The following MGAT4C variants were observed in gnomAD, a reference collection of about 807,000 sequenced individuals.
MGAT4C encodes alpha-1,3-mannosyl-glycoprotein 4-beta-N-acetylglucosaminyltransferase C.
A neutral mutation model predicts 40.1 loss-of-function variants in MGAT4C; 19 were observed. The ratio of observed to expected loss-of-function variants is 0.47; its 90% CI spans 0.33 to 0.70. The LOEUF (loss-of-function observed/expected upper bound fraction) is 0.70. Ranked by LOEUF, MGAT4C falls within the 30% of genes least tolerant of loss-of-function variation. The pLI is 0.02. For missense variants in MGAT4C, 491 were observed against 563.2 expected (o/e 0.87, Z 1.30); for synonymous variants, 181 against 187.1 (o/e 0.97, Z 0.27).
At chr12:86,727,212 T>G (rs182485842) in exon 2 of MGAT4C, 5 of 152,010 alleles carry the variant, frequency 3.3e-5, no homozygotes, top group African/African-American at 1.2e-4. Context: ...TACTTACCCA[T>G]CCAAGTAGAA....
At chr12:86,551,111 C>T (rs1335212562) in intron 2 of MGAT4C, among the ~76,000 whole-genome samples, 1 of 152,050 alleles carries the variant, frequency 6.6e-6, no homozygotes, top group Non-Finnish European at 1.5e-5. Flanking sequence ...GTGCCTGTAT[C>T]CAGGCTAGAA....
At chr12:86,682,471 T>A (rs1950000479) in intron 2 of MGAT4C, among the ~76,000 whole-genome samples, 1 of 152,064 alleles carries the variant, frequency 6.6e-6, no homozygotes, top group African/African-American at 2.4e-5. Context: ...AGATCTATAT[T>A]TAAATGTAGT....
At chr12:86,235,248 C>A (rs1450608553) in intron 1 of MGAT4C, among the ~76,000 whole-genome samples, 1 of 152,048 alleles carries the variant, frequency 6.6e-6, no homozygotes, top group Non-Finnish European at 1.5e-5. Flanking sequence ...CCCATGCTAT[C>A]ACCTCTGTTT....
Position 85,980,230 on chromosome 12 carries a change from C to T in MGAT4C, c.496G>A (p.Ala166Thr). Residue 166 changes from alanine to threonine, a missense_variant, in exon 5 of 5, where the codon GCA becomes ACA. Physicochemically the swap from Ala to Thr is moderately conservative, Grantham distance 58. Transcript: ENST00000611864. ...ITQKFAHHII[A>T]GRLMVIHAPE... is the part of the protein sequence containing the mutation. ...GCATGTATAACCATTAATCTTCCTG[C>T]AATAATATGGTGCGCAAATTTCTGT... The T allele has an allele frequency of 6.2e-7, 1 of 1,613,858 alleles. No individual in the cohort carries two copies. The highest frequency in any genetic ancestry group is 8.5e-7 in the Non-Finnish European group (1 of 1,179,864).
At chr12:86,509,244 G>A (rs913858997) in intron 2 of MGAT4C, among the ~76,000 whole-genome samples, 45 of 152,258 alleles carry the variant, frequency 3.0e-4, no homozygotes, top group African/African-American at 9.1e-4. Flanking sequence ...TGTATAAGGT[G>A]TGAGGAAGGC....
intron 1 of MGAT4C, among the ~76,000 whole-genome samples, chr12:86,083,740 T>C (rs921390875): frequency 6.6e-6 from 1 of 152,096 alleles, no homozygotes; most frequent in Non-Finnish European, 1.5e-5. Flanking sequence ...CTCAGCTACA[T>C]GGCTGTCTCA....
At chr12:85,981,733 G>T (rs958255427) in intron 4 of MGAT4C, among the ~76,000 whole-genome samples, 5 of 152,108 alleles carry the variant, frequency 3.3e-5, no homozygotes, top group Admixed American at 2.6e-4. Context: ...ACTAAGTCAC[G>T]GTGAGATGAG....
chr12:86,242,428 CTTTAT>C (rs1401829539), intron 1 of MGAT4C, among the ~76,000 whole-genome samples: 1 of 152,058 alleles, frequency 6.6e-6, no homozygotes, highest in Non-Finnish European at 1.5e-5. Flanking sequence ...TCTCAGATTC[CTTTAT>C]TTTGATACTT....
At chr12:86,573,445 T>TA (rs1292503488) in intron 2 of MGAT4C, among the ~76,000 whole-genome samples, 1 of 152,062 alleles carries the variant, frequency 6.6e-6, no homozygotes, top group Non-Finnish European at 1.5e-5. Context: ...TTTTACTGAC[T>TA]AATCTTTTCA....
chr12:85,987,175 C>T (rs1446952841), intron 3 of MGAT4C, among the ~76,000 whole-genome samples: 23 of 118,628 alleles, frequency 1.9e-4, no homozygotes, highest in East Asian at 1.3e-3. Flanking sequence ...CTCGCTCTGT[C>T]GCCCAGGCTG....
At chr12:86,683,731 G>A (rs1037571610) in intron 2 of MGAT4C, among the ~76,000 whole-genome samples, 1 of 151,968 alleles carries the variant, frequency 6.6e-6, no homozygotes, top group Non-Finnish European at 1.5e-5. Context: ...TTCTCCCCAC[G>A]TTTTTTTCTC....
At chr12:86,433,771 C>T (rs1039636989) in intron 3 of MGAT4C, among the ~76,000 whole-genome samples, 1 of 151,948 alleles carries the variant, frequency 6.6e-6, no homozygotes, top group Non-Finnish European at 1.5e-5. Context: ...TTATTTTTTA[C>T]ATCTGAAAAA....
intron 1 of MGAT4C, among the ~76,000 whole-genome samples, chr12:86,110,298 C>CAG (rs1877095626): frequency 6.4e-5 from 1 of 15,708 alleles, no homozygotes; most frequent in Non-Finnish European, 1.0e-4. Context: ...TATATAGTCT[C>CAG]TCTATATATA....
At chr12:86,211,199 T>C (rs1348327890) in intron 1 of MGAT4C, among the ~76,000 whole-genome samples, 1 of 148,578 alleles carries the variant, frequency 6.7e-6, no homozygotes, top group Non-Finnish European at 1.5e-5. Flanking sequence ...TGCAGTCCAA[T>C]ATGCACATAT....
chr12:86,798,638 C>T (rs1319991256), intron 1 of MGAT4C, among the ~76,000 whole-genome samples: 1 of 151,726 alleles, frequency 6.6e-6, no homozygotes, highest in Admixed American at 6.6e-5. Context: ...TGCTCAATAC[C>T]TACAGCCTTC....
intron 2 of MGAT4C, among the ~76,000 whole-genome samples, chr12:86,546,661 T>C (rs1458221892): frequency 6.6e-6 from 1 of 152,086 alleles, no homozygotes; most frequent in South Asian, 2.1e-4. Context: ...GCTGTGAAAG[T>C]GTATTTACTC....
chr12:86,712,001 G>C (rs566970622), intron 2 of MGAT4C, among the ~76,000 whole-genome samples: 1 of 152,148 alleles, frequency 6.6e-6, no homozygotes, highest in Admixed American at 6.6e-5. Flanking sequence ...TTTCAATTTT[G>C]ATATATTGCC....
Position 86,657,237 on chromosome 12 carries a change from T to C in MGAT4C, c.-229+69972A>G, listed in dbSNP as rs112138087. On this transcript the variant is annotated intron_variant, in intron 2 of 7. Transcript: ENST00000548651. ...TAAAAGGAATCTGTAAGAAAAAACA[T>C]ATAAAGCTTTGAGTGAAAACAATGT... 3.2e-3 allele frequency among the ~76,000 whole-genome samples: 481 copies of C among 152,046 alleles called. 1 individual carries two copies. The highest frequency in any genetic ancestry group is 0.011 in the African/African-American group (463 of 41,554).
intron 4 of MGAT4C, among the ~76,000 whole-genome samples, chr12:86,269,202 T>C (rs1952880850): frequency 6.6e-6 from 1 of 150,958 alleles, no homozygotes; most frequent in Non-Finnish European, 1.5e-5. Context: ...TTGTTATAAT[T>C]ATATCTATTT....
Sources: allele counts gnomAD v4.1 joint callset (sites outside exome capture counted in the v4.1 genomes callset), GRCh38; gene constraint gnomAD v4.1.1; transcripts MANE v1.5; gene names NCBI Gene and HGNC (gene_info 2026-07-23, HGNC 2026-07-21).